Variants in MAP4K5 observed in about 807,000 individuals in gnomAD.
MAP4K5 encodes MAPK/ERK kinase kinase kinase 5.
In MAP4K5, 82 loss-of-function variants were observed where a neutral mutation model predicts 135.6. That is an observed-to-expected ratio of 0.60 (90% CI 0.51 to 0.73). The LOEUF (loss-of-function observed/expected upper bound fraction) is 0.73, where lower values mean the gene tolerates loss of function less well. Among genes scored for constraint, MAP4K5 ranks in the 30% least tolerant of loss-of-function variants. MAP4K5 has a pLI of 0.00. For missense variants in MAP4K5, 907 were observed against 1,010.9 expected (o/e 0.90, Z 1.39); for synonymous variants, 347 against 335.0 (o/e 1.04, Z -0.39).
chr14:50,453,332 A>G (rs150226893), intron 14 of MAP4K5, among the ~76,000 whole-genome samples: 1 of 152,232 alleles, frequency 6.6e-6, no homozygotes, highest in African/African-American at 2.4e-5. Context: ...TCTGAATCAG[A>G]CTGAGAAAGT....
chr14:50,440,347 A>C lies in MAP4K5; in HGVS notation c.1644+15T>G. 6.5e-7 allele frequency: 1 copy of C among 1,527,902 alleles called. No homozygotes were observed. The highest frequency in any genetic ancestry group is 1.2e-5 in the South Asian group (1 of 85,182). The allele number at this position is 1,527,902 out of a possible 1,614,324, so 94.6% of individuals were successfully genotyped here. On this transcript the variant is annotated intron_variant, in intron 22 of 32. Transcript: ENST00000682126. ...TTTGTTTAAATTAATTTCTTGAATT[A>C]AAATGCCTAATTACCTGTTCCATCG... is the stretch of plus-strand genomic sequence containing the variant.
chr14:50,482,239 C>T (rs1367348536), intron 6 of MAP4K5, 122 bp downstream of exon 6: 4 of 541,856 alleles, frequency 7.4e-6, no homozygotes, highest in Admixed American at 4.2e-5. Flanking sequence ...TTGTTTTACC[C>T]TTTCTCTTTA....
rs533382090 is a variant in MAP4K5 at position 50,434,618 on chromosome 14, C to G, written c.1987-47G>C. 2.7e-6 allele frequency: 4 copies of G among 1,498,138 alleles called. No individual in the cohort carries two copies. In the Admixed American group the frequency reaches 8.1e-5, roughly 30 times the overall value. The allele number at this position is 1,498,138 out of a possible 1,614,324, so 92.8% of individuals were successfully genotyped here. A position where few individuals can be genotyped will look rare whatever the true frequency, so the allele number is the denominator to read the frequency against. On this transcript the variant is annotated intron_variant, in intron 27 of 32. Coordinates refer to ENST00000682126, the MANE Select transcript of MAP4K5 (RefSeq NM_006575.6). ...GAGCCATAATTCAGAAACAATCTCC[C>G]CATTCATACCACTGTTGAATAAAGT...
chr14:50,460,739 G>A (rs2036693639), intron 13 of MAP4K5, among the ~76,000 whole-genome samples: 1 of 152,250 alleles, frequency 6.6e-6, no homozygotes, highest in South Asian at 2.1e-4. Flanking sequence ...AATAAAGACT[G>A]GAGTTTAAAG....
At chr14:50,542,468 A>G (rs892277158) in intron 2 of MAP4K5, 14 of 152,346 alleles carry the variant, frequency 9.2e-5, no homozygotes, top group African/African-American at 3.1e-4. Context: ...AATTAAAAAA[A>G]TAAAAGAAAA....
At chr14:50,537,643 G>A (rs2140141538) in intron 2 of MAP4K5, among the ~76,000 whole-genome samples, 1 of 152,346 alleles carries the variant, frequency 6.6e-6, no homozygotes, top group South Asian at 2.1e-4. Flanking sequence ...AGCTGCCCAA[G>A]ACCATGGGAA....
At chr14:50,558,232 G>A (rs747922064) in intron 1 of MAP4K5, among the ~76,000 whole-genome samples, 31 of 152,276 alleles carry the variant, frequency 2.0e-4, no homozygotes, top group East Asian at 5.8e-4. Context: ...GCTGGCGACC[G>A]CCAGTAATCC....
Position 50,434,868 on chromosome 14 carries a change from A to AC in MAP4K5, c.1986+93dup, listed in dbSNP as rs1272686995. 3 of 711,544 alleles carry AC rather than the reference A, an allele frequency of 4.2e-6. No individual in the cohort carries two copies. The Admixed American group carries it at 8.7e-5, about 21-fold the overall frequency. 44.1% of individuals were successfully genotyped at this position (711,544 alleles called of 1,614,324 possible). A position where few individuals can be genotyped will look rare whatever the true frequency, so the allele number is the denominator to read the frequency against. On this transcript the variant is annotated intron_variant, in intron 27 of 32. Transcript: ENST00000682126. ...ACTACAAATAACTATAAATGTTCTGACCCTAGATAGTAGTATTGGGATCTG... is the reference window on the plus strand; with the variant it reads ...ACTACAAATAACTATAAATGTTCTGACCCCTAGATAGTAGTATTGGGATCTG...
intron 3 of MAP4K5, among the ~76,000 whole-genome samples, chr14:50,500,493 T>C (rs889720865): frequency 6.6e-6 from 1 of 152,212 alleles, no homozygotes; most frequent in African/African-American, 2.4e-5. Context: ...ACATATGCGA[T>C]GAGCTCAGAG....
intron 6 of MAP4K5, among the ~76,000 whole-genome samples, chr14:50,477,622 G>A (rs544957894): frequency 2.6e-5 from 4 of 152,234 alleles, no homozygotes; most frequent in South Asian, 2.1e-4. Context: ...TCACAGGTAC[G>A]CTTTATCAGG....
chr14:50,436,561 C>T (rs550656250), intron 26 of MAP4K5, among the ~76,000 whole-genome samples: 1 of 147,864 alleles, frequency 6.8e-6, no homozygotes, highest in African/African-American at 2.5e-5. Flanking sequence ...GCCAGAAATA[C>T]AAAAAATGTG....
chr14:50,449,707 C>A (rs974295673), intron 14 of MAP4K5: 1 of 150,410 alleles, frequency 6.6e-6, no homozygotes, highest in Non-Finnish European at 1.5e-5. Context: ...CCATAAAATA[C>A]AGTATCTACT....
chr14:50,432,818 T>C (rs1157280207), intron 28 of MAP4K5, among the ~76,000 whole-genome samples: 1 of 152,088 alleles, frequency 6.6e-6, no homozygotes, highest in Non-Finnish European at 1.5e-5. Flanking sequence ...CTTTGAGCAA[T>C]AAGAACAGGG....
In MAP4K5 at chr14:50,448,821, G is replaced by C; in HGVS notation, c.1027C>G (p.Gln343Glu). 1 of 1,506,722 alleles carries C rather than the reference G, an allele frequency of 6.6e-7. No individual in the cohort carries two copies. The highest frequency in any genetic ancestry group is 9.0e-7 in the Non-Finnish European group (1 of 1,111,372). 93.3% of individuals were successfully genotyped at this position (1,506,722 alleles called of 1,614,324 possible). Residue 343 changes from glutamine (Q) to glutamate (E), a missense_variant, in exon 15 of 33, where the codon CAA (glutamine) becomes GAA (glutamate). By Grantham distance (29) the Gln-to-Glu change is conservative. Around this residue, in one of 3 missense-constraint regions of MAP4K5, gnomAD observed 690 missense variants for 777.4 expected, o/e 0.89. Coordinates refer to ENST00000682126, the MANE Select transcript of MAP4K5 (RefSeq NM_006575.6). ...TASEINFDKL[Q>E]FEPPLRKETE... ...TCTTTTCTCAGAGGAGGTTCAAATT[G>C]TAATTTGTCAACTGCAAAATATATA... is the stretch of plus-strand genomic sequence containing the variant.
intron 2 of MAP4K5, among the ~76,000 whole-genome samples, chr14:50,526,547 T>C (rs778918367): frequency 6.6e-6 from 1 of 152,194 alleles, no homozygotes; most frequent in Non-Finnish European, 1.5e-5. Context: ...CCACCAGCCT[T>C]GGCCTCCCAA....
intron 28 of MAP4K5, among the ~76,000 whole-genome samples, chr14:50,429,477 G>A (rs986494104): frequency 6.6e-6 from 1 of 152,212 alleles, no homozygotes; most frequent in East Asian, 1.9e-4. Flanking sequence ...AAAAACCTCA[G>A]TATTGCCTTT....
chr14:50,503,513 C>T (rs745322781), intron 3 of MAP4K5, among the ~76,000 whole-genome samples: 4 of 151,728 alleles, frequency 2.6e-5, no homozygotes, highest in Non-Finnish European at 5.9e-5. Context: ...ACTGAATTGC[C>T]TTCTTATGTT....
intron 2 of MAP4K5, among the ~76,000 whole-genome samples, chr14:50,521,544 C>T (rs1566693329): frequency 6.6e-6 from 1 of 152,160 alleles, no homozygotes; most frequent in Non-Finnish European, 1.5e-5. Context: ...CACATCTGTT[C>T]CACCTACTTC....
intron 1 of MAP4K5, among the ~76,000 whole-genome samples, chr14:50,551,155 G>A (rs761344283): frequency 1.3e-5 from 2 of 152,062 alleles, no homozygotes; most frequent in Non-Finnish European, 2.9e-5. Context: ...AAAGAAGAAA[G>A]AAGATCCAAA....
Sources: gnomAD v4.1 joint callset for allele counts (sites outside exome capture counted in the v4.1 genomes callset) on GRCh38, gnomAD v4.1.1 for gene constraint, gnomAD v4.1.1 regional missense constraint, MANE v1.5 for transcripts, NCBI Gene and HGNC (gene_info 2026-07-23, HGNC 2026-07-21) for gene names.